The following DIPK2B variants were observed in gnomAD, a reference collection of about 807,000 sequenced individuals.
DIPK2B encodes the protein divergent protein kinase domain 2B.
DIPK2B carries 15 observed loss-of-function variants against 22.2 expected under a neutral mutation model. That is an observed-to-expected ratio of 0.68 (90% CI 0.45 to 1.04). The LOEUF is 1.04. Ranked by LOEUF, DIPK2B falls within the 50% of genes least tolerant of loss-of-function variation. The pLI, the probability that DIPK2B is intolerant of heterozygous loss-of-function variation, is 0.00. For synonymous variants in DIPK2B, 163 were observed against 153.2 expected, an observed-to-expected ratio of 1.06 and a Z score of -0.47; for missense variants, 345 against 348.3, an observed-to-expected ratio of 0.99 and a Z score of 0.08.
intron 2 of DIPK2B, chrX:45,163,894 G>A (rs1204392752): frequency 1.1e-6 from 1 of 874,826 alleles, no homozygotes; most frequent in Non-Finnish European, 1.4e-6. Flanking sequence ...AGATCACAGG[G>A]GGATCACATC....
chrX:45,178,022 A>G (rs1045339170), intron 2 of DIPK2B, among the ~76,000 whole-genome samples: 10 of 112,207 alleles, frequency 8.9e-5, no homozygotes, highest in African/African-American at 3.2e-4. Context: ...AGCTGCCTAT[A>G]TGATTGGAAA....
chrX:45,179,465 A>G (rs1315170670), intron 2 of DIPK2B, among the ~76,000 whole-genome samples: 1 of 111,480 alleles, frequency 9.0e-6, no homozygotes, highest in Non-Finnish European at 1.9e-5. Context: ...TCCAGATATT[A>G]TAGTAGAAAC....
At chrX:45,189,530 T>G (rs1053214321) in intron 2 of DIPK2B, among the ~76,000 whole-genome samples, 8 of 111,659 alleles carry the variant, frequency 7.2e-5, no homozygotes, top group Non-Finnish European at 1.5e-4. Flanking sequence ...GAAGAGTCAC[T>G]TGAACCTGGG....
intron 2 of DIPK2B, among the ~76,000 whole-genome samples, chrX:45,173,581 T>C (rs764777577): frequency 8.1e-4 from 88 of 108,806 alleles, no homozygotes; most frequent in African/African-American, 2.6e-3. Context: ...TTTCTTTCTT[T>C]TTCTCTTTCT....
In DIPK2B at chrX:45,191,759, G is replaced by A; in HGVS notation, c.490C>T (p.Leu164=). Residue 164 remains leucine (L), a synonymous_variant, in exon 2 of 5, where the codon CTG becomes TTG. Transcript: ENST00000398000. The part of the protein sequence containing the change: ...WLQAKRLTPD[L]VQGLASPLLR... ...ATGGCCTTCACACTCACCTGCACCAGGTCCGGCGTGAGGCGCTTGGCCTGC... is the reference window on the plus strand; with the variant it reads ...ATGGCCTTCACACTCACCTGCACCAAGTCCGGCGTGAGGCGCTTGGCCTGC... The A allele has an allele frequency of 8.3e-7, 1 of 1,210,855 alleles. No homozygotes were observed. The highest frequency in any genetic ancestry group is 1.1e-6 in the Non-Finnish European group (1 of 895,319).
rs1488295647 is a variant in DIPK2B, at chrX:45,200,788, GC to G, written c.38del (p.Arg13ProfsTer14). 1.7e-6 allele frequency: 2 copies of G among 1,202,136 alleles called. No individual in the cohort carries two copies. Among genetic ancestry groups the G allele is most frequent in the Non-Finnish European group, 1.1e-6 (1 of 890,186 alleles). On this transcript the variant is annotated frameshift_variant, in exon 1 of 5. Transcript: ENST00000398000. LOFTEE classifies it high-confidence loss of function. ...ACAGCAGCAGGGCCAGCCAGCCAGG[GC>G]GGAGGGCGGCAGCCTCAGGCCCCAG... Reference protein sequence around the residue: ...PQLGPEAAALRPGWLALLLWV... With the variant: ...PQLGPEAAALXPGWLALLLWV...
chrX:45,192,263 A>T (rs1019134808), intron 1 of DIPK2B, among the ~76,000 whole-genome samples: 3 of 112,151 alleles, frequency 2.7e-5, no homozygotes, highest in African/African-American at 9.7e-5. Flanking sequence ...CAACTGGCAC[A>T]GAAAGACTAG....
intron 1 of DIPK2B, among the ~76,000 whole-genome samples, chrX:45,193,509 A>G (rs1034664523): frequency 9.0e-6 from 1 of 111,584 alleles, no homozygotes; most frequent in Non-Finnish European, 1.9e-5. Flanking sequence ...AAAGAAAGTC[A>G]CACAAAAAAA....
At chrX:45,165,719 G>A (rs951590551) in intron 2 of DIPK2B, among the ~76,000 whole-genome samples, 5 of 111,709 alleles carry the variant, frequency 4.5e-5, no homozygotes, top group Non-Finnish European at 3.8e-5. Flanking sequence ...AAAATAGTCC[G>A]TTTTAGCATG....
chrX:45,167,495 CAAAAAAAAA>C lies in DIPK2B; in HGVS notation c.499-9616_499-9608del, dbSNP rs1156692662. Among the ~76,000 whole-genome samples the C allele has an allele frequency of 1.6e-4, 4 of 24,662 alleles. No individual in the cohort carries two copies. The East Asian group carries it at 4.5e-3, about 28-fold the overall frequency. The allele number at this position is 24,662 out of a possible 115,157, so 21.4% of individuals were successfully genotyped here. On this transcript the variant is annotated intron_variant, in intron 2 of 4. Transcript: ENST00000398000. ...CCTGGGCAACAAAACAAGACTGTCTCAAAAAAAAAAAAAAAAAAAAAAAAGAGGAGAAAC... is the reference window on the plus strand; with the variant it reads ...CCTGGGCAACAAAACAAGACTGTCTCAAAAAAAAAAAAAAAGAGGAGAAAC...
At position 45,149,119 on chromosome X, in the gene DIPK2B, C is replaced by T. The variant is rs2046947962; in HGVS notation, c.*2533G>A. 1 of 112,744 alleles carries T rather than the reference C, an allele frequency of 8.9e-6. No individual in the cohort carries two copies. Among genetic ancestry groups the T allele is most frequent in the Non-Finnish European group, 1.9e-5 (1 of 53,360 alleles). 9.3% of individuals were successfully genotyped at this position (112,744 alleles called of 1,213,427 possible). On this transcript the variant is annotated 3_prime_UTR_variant, in exon 5 of 5. Coordinates refer to ENST00000398000, the MANE Select transcript of DIPK2B (RefSeq NM_176819.4). ...GGTTACCTCAGACCACATGCTGACC[C>T]ACGCAGGGCCAAAGTCGCTCATTGT...
intron 2 of DIPK2B, chrX:45,163,793 C>A: frequency 1.3e-6 from 1 of 771,748 alleles, no homozygotes; most frequent in Non-Finnish European, 1.5e-6. Flanking sequence ...GTTATGTGGG[C>A]CTTTGGTAAT....
chrX:45,177,951 CT>C (rs1231712797), intron 2 of DIPK2B, among the ~76,000 whole-genome samples: 1 of 111,955 alleles, frequency 8.9e-6, no homozygotes, highest in Non-Finnish European at 1.9e-5. Flanking sequence ...GAAGTGTTTA[CT>C]TTATGTCAGA....
chrX:45,154,040 A>G lies in DIPK2B; in HGVS notation c.831T>C (p.Ser277=), dbSNP rs1367859674. The stretch of plus-strand genomic sequence containing the variant: ...AATAGTTCAAATCGTTGCTCCTCAA[A>G]GACTCCAGGACACCCAGGAGCTGGT... ...LAYQLLGVLE[S]LRSNDLNYFF... is the part of the protein sequence containing the mutation. Residue 277 remains serine (S), a synonymous_variant, in exon 4 of 5, where the codon TCT becomes TCC. Transcript: ENST00000398000. 14 of 1,209,100 alleles carry G rather than the reference A, an allele frequency of 1.2e-5. No homozygotes were observed. In the Admixed American group the frequency reaches 3.1e-4, roughly 27 times the overall value.
At position 45,151,701 on chromosome X, in the gene DIPK2B, G is replaced by A. The variant is rs2046962070; in HGVS notation, c.1253C>T (p.Ser418Phe). ...DILRPLRTCD[S>F]RFAYRYPDCK... is the part of the protein sequence containing the mutation. ...ATCTGGGTAACGATAGGCAAATCTG[G>A]AGTCACACGTTCTCAGGGGCCTCAA... is the stretch of plus-strand genomic sequence containing the variant. Residue 418 changes from serine to phenylalanine, a missense_variant, in exon 5 of 5, where the codon TCC (serine) becomes TTC (phenylalanine). Transcript: ENST00000398000. 1.7e-6 allele frequency: 2 copies of A among 1,211,986 alleles called. No homozygotes were observed. The highest frequency in any genetic ancestry group is 2.2e-6 in the Non-Finnish European group (2 of 895,509).
intron 4 of DIPK2B, among the ~76,000 whole-genome samples, chrX:45,152,617 G>A (rs779307206): frequency 1.8e-5 from 2 of 111,695 alleles, no homozygotes; most frequent in African/African-American, 3.3e-5. Flanking sequence ...ATTGGGACTG[G>A]TTTCATTTGC....
chrX:45,169,434 G>A (rs182517867), intron 2 of DIPK2B, among the ~76,000 whole-genome samples: 18 of 111,823 alleles, frequency 1.6e-4, no homozygotes, highest in African/African-American at 5.8e-4. Context: ...TTGGTCCCCC[G>A]TATCAGTTTG....
chrX:45,155,961 C>CTTTTTTTTT (rs757375184), intron 3 of DIPK2B, among the ~76,000 whole-genome samples: 8 of 55,259 alleles, frequency 1.4e-4, no homozygotes, highest in African/African-American at 2.9e-4. Context: ...AAGGGGACCT[C>CTTTTTTTTT]TTTTTTTTTT....
Position 45,151,015 on chromosome X carries a change from T to C in DIPK2B, c.*637A>G, listed in dbSNP as rs2148331534. On this transcript the variant is annotated 3_prime_UTR_variant, in exon 5 of 5. Transcript: ENST00000398000. ...TCTTCCCACACCACGAGAAGCCCCA[T>C]GCGCAGGTGTATGGAGCCTCAGGTA... 1 of 110,845 alleles carries C rather than the reference T, an allele frequency of 9.0e-6. No homozygotes were observed. Among genetic ancestry groups the C allele is most frequent in the African/African-American group, 3.3e-5 (1 of 30,476 alleles). The allele number at this position is 110,845 out of a possible 1,213,427, so 9.1% of individuals were successfully genotyped here.
Sources: allele counts gnomAD v4.1 joint callset (sites outside exome capture counted in the v4.1 genomes callset), GRCh38; gene constraint gnomAD v4.1.1; transcripts MANE v1.5; gene names NCBI Gene and HGNC (gene_info 2026-07-23, HGNC 2026-07-21).